VPS41: variants seen among roughly 807,000 people sequenced by gnomAD.
The protein encoded by VPS41 is VPS41 subunit of HOPS complex.
A neutral mutation model predicts 130.9 loss-of-function variants in VPS41; 85 were observed. That is an observed-to-expected ratio of 0.65 (90% CI 0.55 to 0.78). VPS41 has a LOEUF of 0.78. VPS41 is among the 30% of genes least tolerant of loss of function. The pLI is 0.00. For synonymous variants in VPS41, 335 were observed against 332.9 expected (o/e 1.01, Z -0.07); for missense variants, 874 against 1,018.7 (o/e 0.86, Z 1.93).
intron 4 of VPS41, among the ~76,000 whole-genome samples, chr7:38,834,469 G>C (rs1243486769): frequency 6.6e-6 from 1 of 152,076 alleles, no homozygotes; most frequent in Non-Finnish European, 1.5e-5. Flanking sequence ...GAGTGTGTAG[G>C]GGGAGCACAC....
Position 38,728,679 on chromosome 7 carries a change from C to G in VPS41, c.2359+13G>C, listed in dbSNP as rs1184005890. ...GGCACGTGGTTCCATATGATTATTT[C>G]AATTTTACCCACCATCAACAAGAAC... is the stretch of plus-strand genomic sequence containing the variant. On this transcript the variant is annotated intron_variant, in intron 26 of 28. Coordinates refer to ENST00000310301, the MANE Select transcript of VPS41 (RefSeq NM_014396.4). The G allele has an allele frequency of 1.2e-6, 2 of 1,614,068 alleles. No homozygotes were observed. The highest frequency in any genetic ancestry group is 1.7e-6 in the Non-Finnish European group (2 of 1,179,942).
chr7:38,780,875 G>A (rs902516791), intron 10 of VPS41, among the ~76,000 whole-genome samples: 22 of 152,248 alleles, frequency 1.4e-4, no homozygotes, highest in African/African-American at 4.3e-4. Flanking sequence ...CTGTCCTCAC[G>A]ACAGTGAGTT....
chr7:38,807,587 C>T (rs34753378), intron 7 of VPS41, among the ~76,000 whole-genome samples: 12,924 of 152,168 alleles, frequency 0.085, 704 homozygotes, highest in African/African-American at 0.15. Context: ...AAGCCTACCA[C>T]CATTTCTGAA....
chr7:38,853,207 C>G (rs1383379577), intron 4 of VPS41, among the ~76,000 whole-genome samples: 3 of 152,096 alleles, frequency 2.0e-5, no homozygotes, highest in Admixed American at 6.5e-5. Flanking sequence ...ATCACAAGAT[C>G]AGGAGATCAA....
chr7:38,776,227 C>T (rs947450401), intron 11 of VPS41, among the ~76,000 whole-genome samples: 2 of 152,220 alleles, frequency 1.3e-5, no homozygotes, highest in Non-Finnish European at 2.9e-5. Flanking sequence ...AATCAAGCTA[C>T]TTAGAATCAC....
chr7:38,804,914 T>C (rs961474599), intron 7 of VPS41, among the ~76,000 whole-genome samples: 1 of 152,222 alleles, frequency 6.6e-6, no homozygotes, highest in Non-Finnish European at 1.5e-5. Flanking sequence ...AGCTGGCTGT[T>C]CATACCAAAC....
At chr7:38,784,508 G>A (rs575622592) in intron 10 of VPS41, among the ~76,000 whole-genome samples, 18 of 152,226 alleles carry the variant, frequency 1.2e-4, no homozygotes, top group Middle Eastern at 3.4e-3. Context: ...GGTGGTGCAC[G>A]CCTGTAGTCC....
intron 3 of VPS41, among the ~76,000 whole-genome samples, chr7:38,867,131 T>C (rs1172079959): frequency 2.6e-5 from 4 of 152,186 alleles, no homozygotes; most frequent in African/African-American, 9.7e-5. Flanking sequence ...AGATACGAGG[T>C]AGATTTCTGG....
At chr7:38,887,761 G>A (rs1396474182) in intron 2 of VPS41, among the ~76,000 whole-genome samples, 3 of 152,142 alleles carry the variant, frequency 2.0e-5, no homozygotes, top group Non-Finnish European at 4.4e-5. Context: ...AGGAAAAAAT[G>A]TTAAGGGCAG....
At chr7:38,771,617 T>A (rs1584387618) in intron 13 of VPS41, among the ~76,000 whole-genome samples, 1 of 152,302 alleles carries the variant, frequency 6.6e-6, no homozygotes, top group East Asian at 1.9e-4. Context: ...AAGGCAGCTG[T>A]CTTCTAGATC....
At chr7:38,849,315 G>C (rs1327293693) in intron 4 of VPS41, among the ~76,000 whole-genome samples, 1 of 152,100 alleles carries the variant, frequency 6.6e-6, no homozygotes, top group Non-Finnish European at 1.5e-5. Context: ...GTGTGTTACA[G>C]GATGCTCTTT....
chr7:38,898,260 T>C, intron 1 of VPS41, 131 bp from the exon 2 acceptor site: 2 of 681,136 alleles, frequency 2.9e-6, no homozygotes, highest in Non-Finnish European at 5.0e-6. Context: ...AACTATACTT[T>C]AGAGGACCAC....
Position 38,790,536 on chromosome 7 carries a change from C to T in VPS41, c.718-669G>A, listed in dbSNP as rs141117005. Among the ~76,000 whole-genome samples, 495 of 151,966 alleles carry T rather than the reference C, an allele frequency of 3.3e-3. 1 individual carries two copies. Among genetic ancestry groups the T allele is most frequent in the African/African-American group, 0.011 (443 of 41,482 alleles). On this transcript the variant is annotated intron_variant, in intron 9 of 28. Transcript: ENST00000310301. ...TTCTACAAAATTCCAAAAAGCAAAACTTGACCTTGCTGTACACCAACTACT... is the reference window on the plus strand; with the variant it reads ...TTCTACAAAATTCCAAAAAGCAAAATTTGACCTTGCTGTACACCAACTACT...
At position 38,737,975 on chromosome 7, in the gene VPS41, G is replaced by A. The variant is rs117604493; in HGVS notation, c.2259+4010C>T. ...AGCCCCTAAAGCATCTAAGATGGAC[G>A]TTTAATCTAGCCCCTGCTCCCTTTT... is the stretch of plus-strand genomic sequence containing the variant. On this transcript the variant is annotated intron_variant, in intron 25 of 28. Transcript: ENST00000310301. Among the ~76,000 whole-genome samples, 68 of 152,300 alleles carry A rather than the reference G, an allele frequency of 4.5e-4. No homozygotes were observed. The East Asian group carries it at 0.012, about 27-fold the overall frequency.
At chr7:38,755,300 A>G (rs1225437623) in intron 19 of VPS41, among the ~76,000 whole-genome samples, 1 of 152,216 alleles carries the variant, frequency 6.6e-6, no homozygotes, top group African/African-American at 2.4e-5. Flanking sequence ...CTTTACCAGT[A>G]TATCAAGAAA....
At chr7:38,847,081 C>G (rs542098780) in intron 4 of VPS41, among the ~76,000 whole-genome samples, 1 of 152,126 alleles carries the variant, frequency 6.6e-6, no homozygotes, top group Non-Finnish European at 1.5e-5. Context: ...GATAAGCTGT[C>G]AAATAATCAA....
chr7:38,777,684 T>C (rs1784285087), intron 10 of VPS41, among the ~76,000 whole-genome samples: 1 of 152,248 alleles, frequency 6.6e-6, no homozygotes, highest in African/African-American at 2.4e-5. Flanking sequence ...CCACATTTTC[T>C]AAGTTTCTTC....
intron 2 of VPS41, among the ~76,000 whole-genome samples, chr7:38,886,352 G>A (rs193075296): frequency 3.9e-5 from 6 of 152,324 alleles, no homozygotes; most frequent in African/African-American, 1.2e-4. Flanking sequence ...ATCCTCTCCC[G>A]TGCCTGGCTC....
At chr7:38,874,701 C>T (rs565529679) in intron 2 of VPS41, among the ~76,000 whole-genome samples, 1 of 152,236 alleles carries the variant, frequency 6.6e-6, no homozygotes, top group African/African-American at 2.4e-5. Context: ...ACCTTTCATG[C>T]AGTTTGAACT....
Sources: allele counts gnomAD v4.1 joint callset (sites outside exome capture counted in the v4.1 genomes callset), GRCh38; gene constraint gnomAD v4.1.1; transcripts MANE v1.5; gene names NCBI Gene and HGNC (gene_info 2026-07-23, HGNC 2026-07-21).